The following RNH1 variants were observed in gnomAD, a reference collection of about 807,000 sequenced individuals.
RNH1 encodes the protein ribonuclease/angiogenin inhibitor 1, also known as ribonuclease inhibitor.
In RNH1, 38 loss-of-function variants were observed where a neutral mutation model predicts 46.1. The observed-to-expected ratio is 0.82, with a 90% confidence interval of 0.64 to 1.08. RNH1 has a LOEUF of 1.08. Among genes scored for constraint, RNH1 ranks in the 50% least tolerant of loss-of-function variants. The pLI, the probability that RNH1 is intolerant of heterozygous loss-of-function variation, is 0.00. For missense variants in RNH1, 577 were observed against 590.7 expected (o/e 0.98, Z 0.24); for synonymous variants, 319 against 279.1 (o/e 1.14, Z -1.43).
chr11:494,667 G>A lies in RNH1; in HGVS notation c.*24C>T, dbSNP rs754026908. The A allele has an allele frequency of 1.2e-6, 2 of 1,611,246 alleles. No homozygotes were observed. Among genetic ancestry groups the A allele is most frequent in the South Asian group, 1.1e-5 (1 of 91,032 alleles). On this transcript the variant is annotated 3_prime_UTR_variant, in exon 11 of 11. Coordinates refer to ENST00000354420, the MANE Select transcript of RNH1 (RefSeq NM_203387.3). ...GGGTTGCCTCGAGGCCGGTCGTCCA[G>A]GGAGAGCAGCAGCAGGAAGAGCCTC...
In RNH1 at chr11:502,985, C is replaced by T. The variant is rs1849897072; in HGVS notation, c.-87-736G>A. On this transcript the variant is annotated intron_variant, in intron 2 of 10. Coordinates refer to ENST00000354420, the MANE Select transcript of RNH1 (RefSeq NM_203387.3). The surrounding 1 kb of genome is among the most constrained non-coding windows in gnomAD (Gnocchi z 5.8). ...CCTGAGAGCACAGCTCAGGTACCCG[C>T]CAGGGGCCTGGGGAAAGTGGTCAGG... 2 of 152,310 alleles carry T rather than the reference C, an allele frequency of 1.3e-5. No homozygotes were observed. The allele number at this position is 152,310 out of a possible 1,614,324, so 9.4% of individuals were successfully genotyped here.
rs746696140 is a variant in RNH1, at chr11:498,026, C to T, written c.1072G>A (p.Val358Met). 3.0e-5 allele frequency: 48 copies of T among 1,614,006 alleles called. No homozygotes were observed. Among genetic ancestry groups the T allele is most frequent in the South Asian group, 8.8e-5 (8 of 91,086 alleles). The change falls in exon 9 of 11, where the codon GTG (valine) becomes ATG (methionine). Residue 358 changes from valine to methionine, a missense_variant. Physicochemically the swap from Val to Met is conservative, Grantham distance 21. Transcript: ENST00000354420. ...CCCAGGCCCTGGCACAGCTCCCGCA[C>T]GCCCGCATCCTCCAGCCTGTTGTTG... Reference protein sequence around the residue: ...ISNNRLEDAGVRELCQGLGQP... With the variant: ...ISNNRLEDAGMRELCQGLGQP...
chr11:496,647 C>T (rs985629533), intron 9 of RNH1, among the ~76,000 whole-genome samples: 5 of 152,044 alleles, frequency 3.3e-5, no homozygotes, highest in Non-Finnish European at 7.4e-5. Context: ...CCAGCCTGGG[C>T]GACAGAGCAA....
At position 502,002 on chromosome 11, in the gene RNH1, AGCC is replaced by A; in HGVS notation, c.101+57_101+59del. The A allele has an allele frequency of 8.4e-7, 1 of 1,186,256 alleles. No homozygotes were observed. The highest frequency in any genetic ancestry group is 2.5e-5 in the East Asian group (1 of 40,620). The allele number at this position is 1,186,256 out of a possible 1,614,324, so 73.5% of individuals were successfully genotyped here. A position where few individuals can be genotyped will look rare whatever the true frequency, so the allele number is the denominator to read the frequency against. On this transcript the variant is annotated intron_variant, in intron 3 of 10. Transcript: ENST00000354420. This position sits in a 1 kb window ranked among gnomAD's most constrained non-coding sequence, Gnocchi z 5.8. ...CCAGAGCAATGCACCCTTCAGAGGG[AGCC>A]GCCACCCGCCAGCCTGCCCCACCAG... is the stretch of plus-strand genomic sequence containing the variant.
At chr11:499,713 G>T in intron 5 of RNH1, 116 bp downstream of exon 5, 1 of 1,253,754 alleles carries the variant, frequency 8.0e-7, no homozygotes, top group Non-Finnish European at 1.1e-6. Context: ...GCACCACAAG[G>T]CCCCTGTGAC....
rs1227853882 is a variant in RNH1 at position 501,962 on chromosome 11, CACAA to C, written c.101+96_101+99del. The C allele has an allele frequency of 4.1e-6, 3 of 722,894 alleles. No individual in the cohort carries two copies. The highest frequency in any genetic ancestry group is 7.2e-6 in the Non-Finnish European group (3 of 417,574). The allele number at this position is 722,894 out of a possible 1,614,324, so 44.8% of individuals were successfully genotyped here. A position where few individuals can be genotyped will look rare whatever the true frequency, so the allele number is the denominator to read the frequency against. ...CTGCACAGAATTCATACTTCATGTC[CACAA>C]ACAAGGCGTTCCAGAGCAATGCACC... On this transcript the variant is annotated intron_variant, in intron 3 of 10. Transcript: ENST00000354420. The surrounding 1 kb of genome is among the most constrained non-coding windows in gnomAD (Gnocchi z 4.1).
rs1391402814 is a variant in RNH1, at chr11:500,670, A to G, written c.102-16T>C. On this transcript the variant is annotated splice_polypyrimidine_tract_variant and intron_variant, in intron 3 of 10. Transcript: ENST00000354420. ...GTCGTCCAGCCTGTGAGCAGACCCC[A>G]GGGTCATGTGGACCACGCAGACAGC... 7.5e-6 allele frequency: 12 copies of G among 1,602,046 alleles called. No individual in the cohort carries two copies. The South Asian group carries it at 1.3e-4, about 18-fold the overall frequency.
chr11:495,037 C>T lies in RNH1; in HGVS notation c.1144G>A (p.Val382Met). 2 of 1,604,968 alleles carry T rather than the reference C, an allele frequency of 1.2e-6. No homozygotes were observed. The highest frequency in any genetic ancestry group is 1.7e-6 in the Non-Finnish European group (2 of 1,176,546). Residue 382 changes from valine to methionine, a missense_variant, in exon 10 of 11, where the codon GTG becomes ATG. Val to Met is a conservative substitution (Grantham distance 21). Coordinates refer to ENST00000354420, the MANE Select transcript of RNH1 (RefSeq NM_203387.3). ...AGGCTGCTGCAGCTGCTGTCACTCACATCGCAGTCGGCCAACCTGGGTGAA... is the reference window on the plus strand; with the variant it reads ...AGGCTGCTGCAGCTGCTGTCACTCATATCGCAGTCGGCCAACCTGGGTGAA... ...LRVLWLADCD[V>M]SDSSCSSLAA...
In RNH1 at chr11:499,943, C is replaced by CG. The variant is rs1403792018; in HGVS notation, c.328dup (p.Arg110ProfsTer69). The CG allele has an allele frequency of 6.2e-7, 1 of 1,610,530 alleles. No homozygotes were observed. The highest frequency in any genetic ancestry group is 8.5e-7 in the Non-Finnish European group (1 of 1,179,038). On this transcript the variant is annotated frameshift_variant, in exon 5 of 11. Coordinates refer to ENST00000354420, the MANE Select transcript of RNH1 (RefSeq NM_203387.3). LOFTEE classifies it high-confidence loss of function. ...CAGCTCCTGCAGGGTGGGCAGGGTG[C>CG]GTAGTGTGCTGGACAGGACCCCGCA...
chr11:498,992 C>A, intron 6 of RNH1, 23 bp downstream of exon 6: 1 of 1,611,172 alleles, frequency 6.2e-7, no homozygotes, highest in Non-Finnish European at 8.5e-7. Flanking sequence ...ACACCCCGCA[C>A]CCCCCCAAGG....
chr11:494,658 G>C lies in RNH1; in HGVS notation c.*33C>G, dbSNP rs763013185. ...TGGGCCCCAGGGTTGCCTCGAGGCCGGTCGTCCAGGGAGAGCAGCAGCAGG... is the reference window on the plus strand; with the variant it reads ...TGGGCCCCAGGGTTGCCTCGAGGCCCGTCGTCCAGGGAGAGCAGCAGCAGG... On this transcript the variant is annotated 3_prime_UTR_variant, in exon 11 of 11. Transcript: ENST00000354420. 6.2e-7 allele frequency: 1 copy of C among 1,605,282 alleles called. No homozygotes were observed. Among genetic ancestry groups the C allele is most frequent in the Non-Finnish European group, 8.5e-7 (1 of 1,173,344 alleles).
chr11:498,666 G>C (rs555731225), intron 7 of RNH1, 39 bp from the exon 8 acceptor site: 6 of 1,607,182 alleles, frequency 3.7e-6, no homozygotes, highest in Non-Finnish European at 5.1e-6. Context: ...CCTCAGCACC[G>C]TCTCATGGCC....
At chr11:505,092 G>A (rs1850149001) in intron 1 of RNH1, 96 bp from the exon 2 acceptor site, 1 of 151,496 alleles carries the variant, frequency 6.6e-6, no homozygotes, top group South Asian at 2.1e-4. Context: ...TTTCATTAAT[G>A]CCTCATGTCT....
In RNH1 at chr11:499,831, C is replaced by G; in HGVS notation, c.441G>C (p.Leu147=). The change falls in exon 5 of 11, where the codon CTG becomes CTC. Residue 147 remains leucine, a splice_region_variant and synonymous_variant. Transcript: ENST00000354420. ...LLDPQCRLEK[L]QLEYCSLSAA... ...CCTGGGGCAGGACACAAACTCACTGCAGCTTTTCCAGGCGGCACTGGGGGT... is the reference window on the plus strand; with the variant it reads ...CCTGGGGCAGGACACAAACTCACTGGAGCTTTTCCAGGCGGCACTGGGGGT... 6.2e-7 allele frequency: 1 copy of G among 1,605,846 alleles called. No homozygotes were observed. The highest frequency in any genetic ancestry group is 8.5e-7 in the Non-Finnish European group (1 of 1,175,782).
chr11:498,538 G>A lies in RNH1; in HGVS notation c.875C>T (p.Ala292Val), dbSNP rs1849385245. ...ACCCTCATCCCCCAGCTCGTTGCCG[G>A]CCAGGCTGAGCTCCTTCAGGCTCTC... ...AKESLKELSL[A>V]GNELGDEGAR... Residue 292 changes from alanine (A) to valine (V), a missense_variant, in exon 8 of 11, where the codon GCC becomes GTC. Physicochemically the swap from Ala to Val is moderately conservative, Grantham distance 64. Coordinates refer to ENST00000354420, the MANE Select transcript of RNH1 (RefSeq NM_203387.3). 1.2e-6 allele frequency: 2 copies of A among 1,613,142 alleles called. No homozygotes were observed. The highest frequency in any genetic ancestry group is 2.2e-5 in the South Asian group (2 of 91,090).
Position 500,504 on chromosome 11 carries a change from G to A in RNH1, c.252C>T (p.Ser84=), listed in dbSNP as rs1391255502. Residue 84 remains serine, a synonymous_variant, in exon 4 of 11, where the codon TCC becomes TCT. Coordinates refer to ENST00000354420, the MANE Select transcript of RNH1 (RefSeq NM_203387.3). ...HCVLQGLQTP[S]CKIQKLSLQN... is the part of the protein sequence containing the mutation. ...CTCACCTCAGCTTCTGGATCTTGCA[G>A]GAGGGGGTCTGCAGGCCCTGGAGCA... 3 of 1,608,310 alleles carry A rather than the reference G, an allele frequency of 1.9e-6. No homozygotes were observed. The highest frequency in any genetic ancestry group is 2.7e-5 in the African/African-American group (2 of 74,914).
At position 500,317 on chromosome 11, in the gene RNH1, G is replaced by A. The variant is rs143352288; in HGVS notation, c.272+167C>T. On this transcript the variant is annotated intron_variant, in intron 4 of 10. Coordinates refer to ENST00000354420, the MANE Select transcript of RNH1 (RefSeq NM_203387.3). ...AGGCAGGAAGGGCCCTGTCCCCCCC[G>A]CTGTGAGACCGCCAGGCCTGTGTGC... 1.5e-3 allele frequency: 1,299 copies of A among 841,742 alleles called. 14 individuals are homozygous for A. The African/African-American group carries it at 0.019, about 13-fold the overall frequency. 52.1% of individuals were successfully genotyped at this position (841,742 alleles called of 1,614,324 possible).
At position 498,015 on chromosome 11, in the gene RNH1, C is replaced by T; in HGVS notation, c.1083G>A (p.Leu361=). 1 of 1,614,084 alleles carries T rather than the reference C, an allele frequency of 6.2e-7. No individual in the cohort carries two copies. The highest frequency in any genetic ancestry group is 8.5e-7 in the Non-Finnish European group (1 of 1,180,020). Residue 361 remains leucine (L), a synonymous_variant, in exon 9 of 11, where the codon CTG becomes CTA. Coordinates refer to ENST00000354420, the MANE Select transcript of RNH1 (RefSeq NM_203387.3). Reference sequence around the variant, plus strand: ...AGCCAGGCTGGCCCAGGCCCTGGCACAGCTCCCGCACGCCCGCATCCTCCA... The same window carrying T: ...AGCCAGGCTGGCCCAGGCCCTGGCATAGCTCCCGCACGCCCGCATCCTCCA... The part of the protein sequence containing the change: ...NRLEDAGVRE[L]CQGLGQPGSV...
At position 504,237 on chromosome 11, in the gene RNH1, G is replaced by A. The variant is rs1313420042; in HGVS notation, c.-88+587C>T. Among the ~76,000 whole-genome samples the A allele has an allele frequency of 3.3e-5, 5 of 152,226 alleles. No homozygotes were observed. The East Asian group carries it at 9.6e-4, about 29-fold the overall frequency. On this transcript the variant is annotated intron_variant, in intron 2 of 10. Transcript: ENST00000354420. ...CACCCTCTAGGGAGACACGGGCCAC[G>A]CTCAGGCGACGCGCAAAAGTTCCCG... is the stretch of plus-strand genomic sequence containing the variant.
Sources: gnomAD v4.1 joint callset for allele counts (sites outside exome capture counted in the v4.1 genomes callset) on GRCh38, gnomAD v4.1.1 for gene constraint, Gnocchi (gnomAD v3.1) non-coding constraint, MANE v1.5 for transcripts, NCBI Gene and HGNC (gene_info 2026-07-23, HGNC 2026-07-21) for gene names.